The following KIRREL3 variants were observed in gnomAD, a reference collection of about 807,000 sequenced individuals.
The protein encoded by KIRREL3 is kin of IRRE-like protein 3.
Under a neutral mutation model 89.7 loss-of-function variants are expected in KIRREL3, and 36 were observed. The ratio of observed to expected loss-of-function variants is 0.40; its 90% CI spans 0.31 to 0.53. KIRREL3 has a LOEUF of 0.53. KIRREL3 is among the 20% of genes least tolerant of loss of function. KIRREL3 has a pLI of 0.49. For missense variants in KIRREL3, 864 were observed against 1,056.6 expected, an observed-to-expected ratio of 0.82 and a Z score of 2.53; for synonymous variants, 445 against 441.4, an observed-to-expected ratio of 1.01 and a Z score of -0.10.
chr11:126,589,391 T>A (rs917825148), intron 1 of KIRREL3, among the ~76,000 whole-genome samples: 1 of 152,216 alleles, frequency 6.6e-6, no homozygotes, highest in Non-Finnish European at 1.5e-5. Context: ...GTGCTGCTCC[T>A]GGTCCAGGCA....
intron 1 of KIRREL3, among the ~76,000 whole-genome samples, chr11:126,765,875 C>T (rs1259465622): frequency 5.3e-5 from 8 of 152,066 alleles, no homozygotes; most frequent in Non-Finnish European, 1.2e-4. Flanking sequence ...TAAATCCTTC[C>T]CCCCAACTCC....
intron 1 of KIRREL3, among the ~76,000 whole-genome samples, chr11:126,959,907 C>T (rs987456456): frequency 6.6e-6 from 1 of 152,196 alleles, no homozygotes; most frequent in Non-Finnish European, 1.5e-5. Flanking sequence ...CACCATTGCT[C>T]GTACTCACTG....
At position 126,582,828 on chromosome 11, in the gene KIRREL3, G is replaced by A. The variant is rs1941628197; in HGVS notation, c.56-19916C>T. 3.3e-5 allele frequency among the ~76,000 whole-genome samples: 5 copies of A among 152,336 alleles called. No individual in the cohort carries two copies. In the South Asian group the frequency reaches 1.0e-3, roughly 32 times the overall value. On this transcript the variant is annotated intron_variant, in intron 1 of 16. Coordinates refer to ENST00000525144, the MANE Select transcript of KIRREL3 (RefSeq NM_032531.4). ...ACTGACGTATTGAAGAAGTACTAAA[G>A]AAGTATTATCCTTAATTATCTGATG...
intron 1 of KIRREL3, among the ~76,000 whole-genome samples, chr11:126,863,388 T>TGC (rs1427797010): frequency 2.0e-5 from 1 of 50,198 alleles, no homozygotes; most frequent in Non-Finnish European, 3.7e-5. Flanking sequence ...TGTGTTTGAG[T>TGC]GCGTGTGTGA....
chr11:126,762,393 T>C (rs1949692345), intron 1 of KIRREL3, among the ~76,000 whole-genome samples: 1 of 152,204 alleles, frequency 6.6e-6, no homozygotes. Flanking sequence ...TCCTAGCTGT[T>C]CTTTAAAATG....
rs1433606300 is a variant in KIRREL3, at chr11:126,528,303, AG to A, written c.134-1617del. ...GCTGCTGCCCATCTTGGGGACAAAA[AG>A]CCCCAGGCTTGGGCCACACCTAGGA... On this transcript the variant is annotated intron_variant, in intron 2 of 16. Coordinates refer to ENST00000525144, the MANE Select transcript of KIRREL3 (RefSeq NM_032531.4). The surrounding 1 kb of genome is among the most constrained non-coding windows in gnomAD (Gnocchi z 4.6). 6.6e-6 allele frequency among the ~76,000 whole-genome samples: 1 copy of A among 152,210 alleles called. No individual in the cohort carries two copies. The highest frequency in any genetic ancestry group is 1.5e-5 in the Non-Finnish European group (1 of 68,040).
chr11:126,711,271 G>T (rs1947743978), intron 1 of KIRREL3, among the ~76,000 whole-genome samples: 1 of 152,196 alleles, frequency 6.6e-6, no homozygotes, highest in African/African-American at 2.4e-5. Context: ...AGTTTAAAGA[G>T]AATTCTGGAT....
At chr11:126,725,544 C>A (rs1216435202) in intron 1 of KIRREL3, among the ~76,000 whole-genome samples, 4 of 152,258 alleles carry the variant, frequency 2.6e-5, no homozygotes, top group Middle Eastern at 3.2e-3. Context: ...CGCTCATCCC[C>A]AAGCTGGCTG....
chr11:126,961,485 G>A (rs1444153172), intron 1 of KIRREL3, among the ~76,000 whole-genome samples: 1 of 152,172 alleles, frequency 6.6e-6, no homozygotes, highest in Non-Finnish European at 1.5e-5. Context: ...ACAGAGCAAG[G>A]CCCTAACTGT....
At chr11:126,426,164 A>C (rs1434647096) in intron 15 of KIRREL3, among the ~76,000 whole-genome samples, 2 of 152,230 alleles carry the variant, frequency 1.3e-5, no homozygotes, top group African/African-American at 4.8e-5. Context: ...AAATAATTTC[A>C]GAATGTCAGT....
intron 1 of KIRREL3, among the ~76,000 whole-genome samples, chr11:126,827,072 T>C (rs771210697): frequency 6.6e-6 from 1 of 152,166 alleles, no homozygotes; most frequent in South Asian, 2.1e-4. Context: ...TGTATTTTCC[T>C]GTTTTACTGC....
At chr11:126,440,632 T>C in intron 10 of KIRREL3, 83 bp from the exon 11 acceptor site, 1 of 1,198,020 alleles carries the variant, frequency 8.3e-7, no homozygotes. Flanking sequence ...AGAAGTGTAT[T>C]CATTAATCCA....
At position 126,704,034 on chromosome 11, in the gene KIRREL3, T is replaced by TC. The variant is rs892342277; in HGVS notation, c.56-141123dup. Reference sequence around the variant, plus strand: ...TCAGAGATGTTGCTACCAGAATCATTCCCCCCTTCTCTTATTTATATACAC... The same window carrying TC: ...TCAGAGATGTTGCTACCAGAATCATTCCCCCCCTTCTCTTATTTATATACAC... On this transcript the variant is annotated intron_variant, in intron 1 of 16. Transcript: ENST00000525144. The surrounding 1 kb of genome is among the most constrained non-coding windows in gnomAD (Gnocchi z 4.2). Among the ~76,000 whole-genome samples, 2 of 152,066 alleles carry TC rather than the reference T, an allele frequency of 1.3e-5. No individual in the cohort carries two copies. Among genetic ancestry groups the TC allele is most frequent in the Non-Finnish European group, 2.9e-5 (2 of 68,004 alleles).
rs559495012 is a variant in KIRREL3 at position 126,599,005 on chromosome 11, C to T, written c.56-36093G>A. 8.9e-4 allele frequency among the ~76,000 whole-genome samples: 136 copies of T among 152,290 alleles called. 2 individuals carry two copies. In the South Asian group the frequency reaches 0.026, roughly 29 times the overall value. On this transcript the variant is annotated intron_variant, in intron 1 of 16. Coordinates refer to ENST00000525144, the MANE Select transcript of KIRREL3 (RefSeq NM_032531.4). Reference sequence around the variant, plus strand: ...CAAACTAAGAAATGTGCCTGCCTTCCGACTTCAATGGCTGTTATAAAGTCC... The same window carrying T: ...CAAACTAAGAAATGTGCCTGCCTTCTGACTTCAATGGCTGTTATAAAGTCC...
rs1301361154 is a variant in KIRREL3, at chr11:126,948,787, C to G, written c.55+51668G>C. On this transcript the variant is annotated intron_variant, in intron 1 of 16. Coordinates refer to ENST00000525144, the MANE Select transcript of KIRREL3 (RefSeq NM_032531.4). The surrounding 1 kb of genome is among the most constrained non-coding windows in gnomAD (Gnocchi z 4.5). ...AGTTCAACTCCAGCAAGGCAGACAG[C>G]TGGATATGGGGAGGAGTTCAGAAGC... Among the ~76,000 whole-genome samples the G allele has an allele frequency of 9.9e-5, 15 of 152,190 alleles. No individual in the cohort carries two copies. Among genetic ancestry groups the G allele is most frequent in the Non-Finnish European group, 1.8e-4 (12 of 68,042 alleles).
chr11:127,001,312 G>T (rs1416131945), upstream of KIRREL3: 1 of 100,174 alleles, frequency 1.0e-5, no homozygotes, highest in East Asian at 4.4e-4. Flanking sequence ...GGGTGGTTGT[G>T]GTGGGGGGGG....
chr11:126,871,616 ATT>A (rs1280687519), intron 1 of KIRREL3, among the ~76,000 whole-genome samples: 2 of 152,168 alleles, frequency 1.3e-5, no homozygotes, highest in African/African-American at 4.8e-5. Flanking sequence ...AACCTGGATT[ATT>A]GAGGGGCAAA....
At chr11:126,657,254 A>AATC (rs1320629882) in intron 1 of KIRREL3, among the ~76,000 whole-genome samples, 123 of 151,342 alleles carry the variant, frequency 8.1e-4, no homozygotes, top group Non-Finnish European at 1.4e-3. Context: ...ATAATTAAAT[A>AATC]AATAAATAAA....
upstream of KIRREL3, among the ~76,000 whole-genome samples, chr11:127,001,872 T>TATTCAAC (rs1161430684): frequency 1.3e-5 from 2 of 151,290 alleles, no homozygotes; most frequent in African/African-American, 4.9e-5. Flanking sequence ...CACAGAAAAA[T>TATTCAAC]ATTCAACGTT....
Sources: gnomAD v4.1 joint callset for allele counts (sites outside exome capture counted in the v4.1 genomes callset) on GRCh38, gnomAD v4.1.1 for gene constraint, Gnocchi (gnomAD v3.1) non-coding constraint, MANE v1.5 for transcripts, NCBI Gene and HGNC (gene_info 2026-07-23, HGNC 2026-07-21) for gene names.